The following CDH12 variants were observed in gnomAD, a reference collection of about 807,000 sequenced individuals.
The protein encoded by CDH12 is cadherin-12.
In CDH12, 41 loss-of-function variants were observed where a neutral mutation model predicts 74.1. The observed-to-expected ratio is 0.55, with a 90% confidence interval of 0.43 to 0.72. The LOEUF (loss-of-function observed/expected upper bound fraction) is 0.72, where lower values mean the gene tolerates loss of function less well. Among genes scored for constraint, CDH12 ranks in the 30% least tolerant of loss-of-function variants. The pLI, the probability that CDH12 is intolerant of heterozygous loss-of-function variation, is 0.00. For missense variants in CDH12, 945 were observed against 977.2 expected (o/e 0.97, Z 0.44); for synonymous variants, 399 against 355.0 (o/e 1.12, Z -1.39).
At chr5:22,783,403 G>A (rs74443615) in intron 1 of CDH12, among the ~76,000 whole-genome samples, 1,776 of 152,188 alleles carry the variant, frequency 0.012, 22 homozygotes, top group South Asian at 0.045. Flanking sequence ...GCTCACACTG[G>A]CTTTAATAAA....
intron 4 of CDH12, among the ~76,000 whole-genome samples, chr5:22,186,456 C>A (rs1749952497): frequency 6.6e-6 from 1 of 152,134 alleles, no homozygotes; most frequent in Admixed American, 6.5e-5. Context: ...CCAAAATCTA[C>A]AGGATTTGTG....
chr5:22,448,827 G>A (rs1267494468), intron 2 of CDH12, among the ~76,000 whole-genome samples: 9 of 151,886 alleles, frequency 5.9e-5, no homozygotes, highest in African/African-American at 2.2e-4. Context: ...AGGATTTGGA[G>A]TTTCTTTTGC....
At chr5:22,054,023 G>A (rs1257245612) in intron 5 of CDH12, among the ~76,000 whole-genome samples, 1 of 151,892 alleles carries the variant, frequency 6.6e-6, no homozygotes, top group Non-Finnish European at 1.5e-5. Context: ...TGAAGAACAC[G>A]ACTTGTTTTT....
At chr5:22,444,537 C>G (rs1224066248) in intron 2 of CDH12, among the ~76,000 whole-genome samples, 1 of 127,504 alleles carries the variant, frequency 7.8e-6, no homozygotes, top group Non-Finnish European at 1.7e-5. Context: ...AGTTTTTTAA[C>G]AGTTTTTTTT....
At chr5:22,811,129 A>G (rs564428096) in intron 1 of CDH12, among the ~76,000 whole-genome samples, 248 of 151,906 alleles carry the variant, frequency 1.6e-3, no homozygotes, top group Non-Finnish European at 2.6e-3. Context: ...ACATATATAC[A>G]CATATATGCT....
intron 1 of CDH12, among the ~76,000 whole-genome samples, chr5:22,766,958 A>ATT (rs1746545651): frequency 6.6e-6 from 1 of 152,068 alleles, no homozygotes; most frequent in South Asian, 2.1e-4. Flanking sequence ...GAGTGACAAC[A>ATT]TTATTTTATA....
chr5:21,863,277 T>A (rs1309122954), intron 6 of CDH12, among the ~76,000 whole-genome samples: 5 of 152,116 alleles, frequency 3.3e-5, no homozygotes, highest in Non-Finnish European at 7.4e-5. Flanking sequence ...TTCTGCTACC[T>A]GGAGGACATT....
intron 6 of CDH12, among the ~76,000 whole-genome samples, chr5:21,860,680 G>A (rs531213721): frequency 1.3e-5 from 2 of 151,930 alleles, no homozygotes; most frequent in African/African-American, 2.4e-5. Flanking sequence ...GCCCTCATCC[G>A]TCTCCTGTGC....
intron 1 of CDH12, among the ~76,000 whole-genome samples, chr5:22,844,235 G>A (rs1737203598): frequency 6.6e-6 from 1 of 152,014 alleles, no homozygotes; most frequent in Admixed American, 6.6e-5. Flanking sequence ...TACACATTAA[G>A]GTTTCCTATA....
At chr5:22,563,685 T>C (rs1162380136) in intron 1 of CDH12, among the ~76,000 whole-genome samples, 1 of 152,214 alleles carries the variant, frequency 6.6e-6, no homozygotes, top group Non-Finnish European at 1.5e-5. Flanking sequence ...GTTTTCACAC[T>C]GTTGATAAAG....
intron 4 of CDH12, among the ~76,000 whole-genome samples, chr5:22,147,671 G>T (rs1747290093): frequency 6.6e-6 from 1 of 151,714 alleles, no homozygotes; most frequent in Non-Finnish European, 1.5e-5. Flanking sequence ...AAGGCAAAAG[G>T]CACATCTTAC....
chr5:22,285,164 A>G (rs575223665), intron 3 of CDH12, among the ~76,000 whole-genome samples: 2 of 152,274 alleles, frequency 1.3e-5, no homozygotes, highest in African/African-American at 4.8e-5. Flanking sequence ...TAAGTGGGTA[A>G]GAATTTCTCT....
intron 5 of CDH12, among the ~76,000 whole-genome samples, chr5:22,047,973 TGA>T (rs1460975928): frequency 1.3e-5 from 2 of 152,170 alleles, no homozygotes; most frequent in African/African-American, 4.8e-5. Flanking sequence ...CCCCTTCTTT[TGA>T]GAGACTTCAT....
chr5:22,492,366 G>C (rs932669484), intron 2 of CDH12, among the ~76,000 whole-genome samples: 1 of 111,048 alleles, frequency 9.0e-6, no homozygotes, highest in African/African-American at 3.5e-5. Context: ...TTTTTTTTTT[G>C]AGACAGAGTC....
In CDH12 at chr5:21,773,727, A is replaced by T. The variant is rs539681419; in HGVS notation, c.1394-8628T>A. Among the ~76,000 whole-genome samples the T allele has an allele frequency of 1.0e-3, 150 of 147,788 alleles. 2 individuals carry two copies. Among genetic ancestry groups the T allele is most frequent in the Admixed American group, 1.5e-3 (23 of 15,086 alleles). On this transcript the variant is annotated intron_variant, in intron 11 of 14. Transcript: ENST00000382254. ...CCCTTCAGATATTCATCTACTAAGG[A>T]ATTCATCTACTAAGGAATATTCACC... is the stretch of plus-strand genomic sequence containing the variant.
rs185660994 is a variant in CDH12, at chr5:22,347,221, G to A, written c.-333+58036C>T. On this transcript the variant is annotated intron_variant, in intron 3 of 14. Coordinates refer to ENST00000382254, the MANE Select transcript of CDH12 (RefSeq NM_004061.5). Reference sequence around the variant, plus strand: ...GTTGCCAAAGGAGATTAACATTTGAGTCAGTGAACTGGGAGAGGGAGACCC... The same window carrying A: ...GTTGCCAAAGGAGATTAACATTTGAATCAGTGAACTGGGAGAGGGAGACCC... Among the ~76,000 whole-genome samples, 74 of 152,266 alleles carry A rather than the reference G, an allele frequency of 4.9e-4. 1 individual carries two copies. The highest frequency in any genetic ancestry group is 1.7e-3 in the African/African-American group (70 of 41,540).
Position 22,752,733 on chromosome 5 carries a change from G to A in CDH12, c.-523+100325C>T, listed in dbSNP as rs373897584. Among the ~76,000 whole-genome samples the A allele has an allele frequency of 2.8e-5, 4 of 144,660 alleles. No homozygotes were observed. The East Asian group carries it at 6.2e-4, about 22-fold the overall frequency. The allele number at this position is 144,660 out of a possible 152,430, so 94.9% of individuals were successfully genotyped here. A position where few individuals can be genotyped will look rare whatever the true frequency, so the allele number is the denominator to read the frequency against. On this transcript the variant is annotated intron_variant, in intron 1 of 14. Coordinates refer to ENST00000382254, the MANE Select transcript of CDH12 (RefSeq NM_004061.5). ...ACTACAGGCGCCCGCCACTACGCCC[G>A]GCTAATTTTTTGTATTTTTTTACTA...
At chr5:22,571,030 G>T (rs757042155) in intron 1 of CDH12, among the ~76,000 whole-genome samples, 29 of 152,198 alleles carry the variant, frequency 1.9e-4, no homozygotes, top group Non-Finnish European at 3.8e-4. Flanking sequence ...CATTTCTTCT[G>T]TAGCTTCCTC....
intron 10 of CDH12, among the ~76,000 whole-genome samples, chr5:21,783,834 C>T (rs1561181587): frequency 6.6e-6 from 1 of 152,058 alleles, no homozygotes; most frequent in African/African-American, 2.4e-5. Flanking sequence ...TTAACAGTGG[C>T]TATGACTGTG....
Sources: allele counts gnomAD v4.1 joint callset (sites outside exome capture counted in the v4.1 genomes callset), GRCh38; gene constraint gnomAD v4.1.1; transcripts MANE v1.5; gene names NCBI Gene and HGNC (gene_info 2026-07-23, HGNC 2026-07-21).